The following SMARCC2 variants were observed in gnomAD, a reference collection of about 807,000 sequenced individuals.
The protein encoded by SMARCC2 is SWI/SNF complex subunit SMARCC2.
SMARCC2 carries 15 observed loss-of-function variants against 151.3 expected under a neutral mutation model. That is an observed-to-expected ratio of 0.10 (90% confidence interval 0.07 to 0.15). The LOEUF (loss-of-function observed/expected upper bound fraction) is 0.15, where lower values mean the gene tolerates loss of function less well. Among genes scored for constraint, SMARCC2 ranks in the 10% least tolerant of loss-of-function variants. The pLI, the probability that SMARCC2 is intolerant of heterozygous loss-of-function variation, is 1.00. For missense variants in SMARCC2, 1,031 were observed against 1,599.7 expected, an observed-to-expected ratio of 0.64 and a Z score of 6.06; for synonymous variants, 590 against 609.5, an observed-to-expected ratio of 0.97 and a Z score of 0.47.
chr12:56,173,892 A>G, intron 16 of SMARCC2, 43 bp from the exon 17 acceptor site: 2 of 1,574,006 alleles, frequency 1.3e-6, no homozygotes, highest in South Asian at 1.2e-5. Context: ...GGATAGCCAG[A>G]AAGGTGCACG....
intron 26 of SMARCC2, among the ~76,000 whole-genome samples, chr12:56,167,458 G>A (rs950835665): frequency 6.6e-5 from 10 of 152,164 alleles, no homozygotes; most frequent in African/African-American, 1.9e-4. Context: ...CTGCCTCAGT[G>A]TACCAAAGTA....
chr12:56,188,331 C>T (rs996275809), intron 1 of SMARCC2, among the ~76,000 whole-genome samples: 2 of 152,132 alleles, frequency 1.3e-5, no homozygotes, highest in African/African-American at 4.8e-5. Flanking sequence ...ACCCCAAGGG[C>T]AGGGCCAGGC....
chr12:56,177,845 C>G (rs1875331681), intron 15 of SMARCC2, among the ~76,000 whole-genome samples, 177 bp downstream of exon 15: 1 of 152,350 alleles, frequency 6.6e-6, no homozygotes, highest in South Asian at 2.1e-4. Context: ...GAACATGTGT[C>G]TACATGCTAG....
chr12:56,165,037 C>T (rs1287609510), intron 27 of SMARCC2, among the ~76,000 whole-genome samples: 8 of 152,198 alleles, frequency 5.3e-5, no homozygotes, highest in African/African-American at 1.9e-4. Flanking sequence ...CCACCCATTT[C>T]GGCCTCCCAA....
chr12:56,174,891 T>C (rs1374962455), intron 15 of SMARCC2, 127 bp from the exon 16 acceptor site: 1 of 644,076 alleles, frequency 1.6e-6, no homozygotes, highest in Non-Finnish European at 2.8e-6. Context: ...GTAGATTATT[T>C]GACTCTACAT....
In SMARCC2 at chr12:56,165,536, G is replaced by T. The variant is rs778214362; in HGVS notation, c.3014C>A (p.Pro1005Gln). The T allele has an allele frequency of 5.0e-6, 8 of 1,610,478 alleles. No individual in the cohort carries two copies. In the Admixed American group the frequency reaches 5.0e-5, roughly 10 times the overall value. The change falls in exon 27 of 29, where the codon CCA (proline) becomes CAA (glutamine). Residue 1005 changes from proline to glutamine, a missense_variant. Pro to Gln is a moderately conservative substitution (Grantham distance 76, BLOSUM62 -1). This residue lies in a region of SMARCC2 where 310 missense variants were observed against 350.0 expected (regional missense o/e 0.89). Coordinates refer to ENST00000550164, the MANE Select transcript of SMARCC2 (RefSeq NM_001330288.2). ...ALPPGSQPIP[P>Q]TGAAGPPAVH... ...TGCGGGTGGCCCAGCAGCCCCTGTT[G>T]GGGGGATAGGCTGGGAGCCTGGGGG...
rs879919171 is a variant in SMARCC2, at chr12:56,184,922, A to T, written c.414T>A (p.Ser138=). The part of the protein sequence containing the change: ...EKSLVQNNCL[S]RPNIFLCPEI... ...CTGGGCACAGAAAAATGTTAGGTCG[A>T]GACAGGCAATTATTCTGTGGAGAGA... Residue 138 remains serine (S), a synonymous_variant, in exon 5 of 29, where the codon TCT becomes TCA. Coordinates refer to ENST00000550164, the MANE Select transcript of SMARCC2 (RefSeq NM_001330288.2). 1 of 1,613,052 alleles carries T rather than the reference A, an allele frequency of 6.2e-7. No individual in the cohort carries two copies. The highest frequency in any genetic ancestry group is 8.5e-7 in the Non-Finnish European group (1 of 1,179,008).
At chr12:56,182,120 A>G in intron 7 of SMARCC2, 41 bp from the exon 8 acceptor site, 1 of 1,414,450 alleles carries the variant, frequency 7.1e-7, no homozygotes, top group Non-Finnish European at 9.9e-7. Context: ...TCAATGGGAT[A>G]GAATTGTGGA....
At chr12:56,167,844 CCTGT>C (rs958180494) in intron 26 of SMARCC2, among the ~76,000 whole-genome samples, 4 of 151,614 alleles carry the variant, frequency 2.6e-5, no homozygotes, top group East Asian at 3.9e-4. Flanking sequence ...GCTTTGAAGC[CCTGT>C]CTGTCTCAGG....
chr12:56,187,619 A>G (rs1877505517), intron 1 of SMARCC2, among the ~76,000 whole-genome samples: 1 of 152,156 alleles, frequency 6.6e-6, no homozygotes, highest in Admixed American at 6.5e-5. Flanking sequence ...TTTAACCAAC[A>G]GCACTGAGGG....
intron 11 of SMARCC2, among the ~76,000 whole-genome samples, chr12:56,180,473 G>A (rs1875972919): frequency 1.3e-5 from 2 of 148,294 alleles, no homozygotes; most frequent in South Asian, 4.3e-4. Context: ...GTACAATCTC[G>A]GCTCCCTGCA....
Position 56,184,165 on chromosome 12 carries a change from C to T in SMARCC2, c.562+10G>A, listed in dbSNP as rs771350354. On this transcript the variant is annotated intron_variant, in intron 6 of 28. Coordinates refer to ENST00000550164, the MANE Select transcript of SMARCC2 (RefSeq NM_001330288.2). The stretch of plus-strand genomic sequence containing the variant: ...ATCCACTCAAGTGGACAGGAAAACC[C>T]AGGTCTCACCTTCTTCTAGATTCCC... 1 of 1,609,256 alleles carries T rather than the reference C, an allele frequency of 6.2e-7. No homozygotes were observed. The highest frequency in any genetic ancestry group is 8.5e-7 in the Non-Finnish European group (1 of 1,175,898).
At chr12:56,173,607 T>C in intron 17 of SMARCC2, 89 bp downstream of exon 17, 1 of 1,244,582 alleles carries the variant, frequency 8.0e-7, no homozygotes, top group Non-Finnish European at 1.1e-6. Context: ...AAAACACTCC[T>C]GAACCATTAC....
At chr12:56,179,083 A>T (rs373211054) in intron 11 of SMARCC2, 27 bp from the exon 12 acceptor site, 42 of 1,611,074 alleles carry the variant, frequency 2.6e-5, no homozygotes, top group Non-Finnish European at 3.3e-5. Context: ...TCATTTTATC[A>T]GACAGATTTT....
At chr12:56,170,016 G>T (rs986804878) in intron 23 of SMARCC2, 105 bp from the exon 24 acceptor site, 1 of 1,438,442 alleles carries the variant, frequency 7.0e-7, no homozygotes, top group Non-Finnish European at 9.7e-7. Context: ...TTACTTTGGA[G>T]GTGATCTGAT....
At chr12:56,188,075 A>C (rs1877606081) in intron 1 of SMARCC2, among the ~76,000 whole-genome samples, 1 of 152,188 alleles carries the variant, frequency 6.6e-6, no homozygotes, top group African/African-American at 2.4e-5. Context: ...CAAAGAAGAC[A>C]GTGCCTCTCA....
chr12:56,163,752 G>C lies in SMARCC2; in HGVS notation c.3675C>G (p.Pro1225=). 2 of 1,512,746 alleles carry C rather than the reference G, an allele frequency of 1.3e-6. No homozygotes were observed. The highest frequency in any genetic ancestry group is 1.8e-6 in the Non-Finnish European group (2 of 1,140,664). The allele number at this position is 1,512,746 out of a possible 1,614,324, so 93.7% of individuals were successfully genotyped here. Residue 1225 remains proline, a synonymous_variant, in exon 29 of 29, where the codon CCC becomes CCG. Transcript: ENST00000550164. The part of the protein sequence containing the change: ...SASPLPDPGT[P]LPPDPTAPSP... ...TCGGGGCTGTGGGGTCTGGAGGCAGGGGGGTGCCTGGGTCTGTGGAGAAAA... is the reference window on the plus strand; with the variant it reads ...TCGGGGCTGTGGGGTCTGGAGGCAGCGGGGTGCCTGGGTCTGTGGAGAAAA...
chr12:56,173,241 A>AACTAGG (rs767431016), intron 17 of SMARCC2, among the ~76,000 whole-genome samples: 8 of 152,206 alleles, frequency 5.3e-5, no homozygotes, highest in African/African-American at 1.2e-4. Context: ...GGAGCTGGAC[A>AACTAGG]ATTAGGTTCT....
chr12:56,181,973 T>C lies in SMARCC2; in HGVS notation c.708+31A>G, dbSNP rs115393141. 237 of 1,595,452 alleles carry C rather than the reference T, an allele frequency of 1.5e-4. 1 individual carries two copies. In the African/African-American group the frequency reaches 2.4e-3, roughly 16 times the overall value. On this transcript the variant is annotated intron_variant, in intron 8 of 28. Coordinates refer to ENST00000550164, the MANE Select transcript of SMARCC2 (RefSeq NM_001330288.2). ...GGGTAGACTGTTCCTGGCATTCTTT[T>C]TGGGGAAGAGGGGATACAAGAAAAG...
Sources: gnomAD v4.1 joint callset for allele counts (sites outside exome capture counted in the v4.1 genomes callset) on GRCh38, gnomAD v4.1.1 for gene constraint, gnomAD v4.1.1 regional missense constraint, MANE v1.5 for transcripts, NCBI Gene and HGNC (gene_info 2026-07-23, HGNC 2026-07-21) for gene names.